EPSTI1: variants seen among roughly 807,000 people sequenced by gnomAD.
EPSTI1 encodes epithelial stromal interaction 1.
EPSTI1 carries 66 observed loss-of-function variants against 49.9 expected under a neutral mutation model. The ratio of observed to expected loss-of-function variants is 1.32; its 90% CI spans 1.08 to 1.62. EPSTI1 has a LOEUF of 1.62. EPSTI1 is among the 40% of genes most tolerant of loss of function. The probability of loss-of-function intolerance (pLI) is 0.00; values close to 1 mark genes in which losing one functional copy is unlikely to be tolerated. For missense variants in EPSTI1, 394 were observed against 365.5 expected (o/e 1.08, Z -0.64); for synonymous variants, 137 against 130.7 (o/e 1.05, Z -0.33).
chr13:42,971,428 C>A (rs1341413683), intron 1 of EPSTI1, among the ~76,000 whole-genome samples: 1 of 152,160 alleles, frequency 6.6e-6, no homozygotes, highest in Non-Finnish European at 1.5e-5. Flanking sequence ...ATGCTACAGA[C>A]CCAGCCTGTG....
At chr13:42,929,624 A>G (rs904260034) in intron 6 of EPSTI1, among the ~76,000 whole-genome samples, 5 of 152,198 alleles carry the variant, frequency 3.3e-5, no homozygotes, top group African/African-American at 1.2e-4. Flanking sequence ...CACATTGACA[A>G]ATATTACATA....
rs1257130230 is a variant in EPSTI1 at position 42,991,988 on chromosome 13, C to T, written c.178G>A (p.Gly60Ser). Residue 60 changes from glycine (G) to serine (S), a missense_variant, in exon 1 of 11, where the codon GGC becomes AGC. Physicochemically the swap from Gly to Ser is moderately conservative, Grantham distance 56. Transcript: ENST00000313624. ...TGTTAAAATACTCACCGCCTCTGGC[C>T]CGCGTGCACGACGCTCTCCCGCGAA... ...GPSRESVVHA[G>S]QRRTSAYTLI... 6.2e-7 allele frequency: 1 copy of T among 1,612,038 alleles called. No homozygotes were observed. The highest frequency in any genetic ancestry group is 8.5e-7 in the Non-Finnish European group (1 of 1,179,612).
rs79848178 is a variant in EPSTI1 at position 42,922,717 on chromosome 13, T to C, written c.657+3619A>G. On this transcript the variant is annotated intron_variant, in intron 7 of 10. Coordinates refer to ENST00000313624, the MANE Select transcript of EPSTI1 (RefSeq NM_033255.5). The surrounding 1 kb of genome is among the most constrained non-coding windows in gnomAD (Gnocchi z 4.8). Reference sequence around the variant, plus strand: ...GCGCAAAGGGACACATGTTAAGTACTTTATTTGACTTCTTAATGAATGAGC... The same window carrying C: ...GCGCAAAGGGACACATGTTAAGTACCTTATTTGACTTCTTAATGAATGAGC... Among the ~76,000 whole-genome samples, 2,388 of 152,220 alleles carry C rather than the reference T, an allele frequency of 0.016. 32 individuals carry two copies. The highest frequency in any genetic ancestry group is 0.044 in the Middle Eastern group (13 of 294).
At chr13:42,911,262 T>TGTGTGTGC (rs1555259485) in intron 8 of EPSTI1, among the ~76,000 whole-genome samples, 6 of 116,230 alleles carry the variant, frequency 5.2e-5, no homozygotes, top group Non-Finnish European at 1.1e-4. Flanking sequence ...TGTGTGTGTG[T>TGTGTGTGC]GTGCGCGCGC....
At chr13:42,928,180 A>G (rs1390766882) in intron 6 of EPSTI1, among the ~76,000 whole-genome samples, 6 of 152,216 alleles carry the variant, frequency 3.9e-5, no homozygotes, top group Non-Finnish European at 8.8e-5. Flanking sequence ...AGGGGCCTGC[A>G]GAGTATGCGG....
intron 6 of EPSTI1, among the ~76,000 whole-genome samples, chr13:42,951,430 C>T (rs1273369652): frequency 2.0e-5 from 3 of 152,136 alleles, no homozygotes; most frequent in African/African-American, 7.2e-5. Flanking sequence ...ATTTGAGATA[C>T]TTCTCAATTT....
rs999892755 is a variant in EPSTI1, at chr13:42,927,321, G to A, written c.564-892C>T. Reference sequence around the variant, plus strand: ...CTGCCTACCCTTGATTAATTTCTACGCCTTTGTCCTTTTCTCATGTAATTT... The same window carrying A: ...CTGCCTACCCTTGATTAATTTCTACACCTTTGTCCTTTTCTCATGTAATTT... On this transcript the variant is annotated intron_variant, in intron 6 of 10. Coordinates refer to ENST00000313624, the MANE Select transcript of EPSTI1 (RefSeq NM_033255.5). Among the ~76,000 whole-genome samples the A allele has an allele frequency of 2.0e-5, 3 of 151,894 alleles. No individual in the cohort carries two copies. The East Asian group carries it at 5.8e-4, about 29-fold the overall frequency.
At chr13:42,971,235 C>T (rs959128657) in intron 1 of EPSTI1, among the ~76,000 whole-genome samples, 2 of 152,110 alleles carry the variant, frequency 1.3e-5, no homozygotes, top group Non-Finnish European at 2.9e-5. Context: ...TTCAACCAGG[C>T]GGATCAGGGA....
chr13:42,934,463 A>G (rs2038488693), intron 6 of EPSTI1: 1 of 152,612 alleles, frequency 6.6e-6, no homozygotes, highest in African/African-American at 2.4e-5. Flanking sequence ...GGCTGCTGCC[A>G]TGGCCATTGT....
At chr13:42,963,116 G>T in intron 5 of EPSTI1, 139 bp downstream of exon 5, 1 of 729,138 alleles carries the variant, frequency 1.4e-6, no homozygotes, top group Non-Finnish European at 2.3e-6. Context: ...AAAACTGGAT[G>T]AGGAAAAGAA....
chr13:42,930,445 C>T (rs2038324693), intron 6 of EPSTI1, among the ~76,000 whole-genome samples: 2 of 152,170 alleles, frequency 1.3e-5, no homozygotes, highest in African/African-American at 4.8e-5. Flanking sequence ...CATTCACACA[C>T]CTATAAGCAC....
intron 6 of EPSTI1, among the ~76,000 whole-genome samples, chr13:42,936,368 G>A (rs61952586): frequency 0.2 from 30,822 of 151,960 alleles, 3,632 homozygotes; most frequent in African/African-American, 0.33. Flanking sequence ...CCATTTACTC[G>A]TAAGTCCAAT....
chr13:42,963,513 TTC>T, intron 4 of EPSTI1, 175 bp from the exon 5 acceptor site: 1 of 589,938 alleles, frequency 1.7e-6, no homozygotes, highest in Non-Finnish European at 3.0e-6. Flanking sequence ...GGGCTACGTC[TTC>T]TGCCCGTGAA....
intron 9 of EPSTI1, among the ~76,000 whole-genome samples, chr13:42,897,849 A>G (rs1426805085): frequency 6.6e-6 from 1 of 152,182 alleles, no homozygotes; most frequent in African/African-American, 2.4e-5. Flanking sequence ...ACCAATTTCT[A>G]TTTTTGTTTA....
At chr13:42,974,689 G>T (rs1271690194) in intron 1 of EPSTI1, among the ~76,000 whole-genome samples, 1 of 152,086 alleles carries the variant, frequency 6.6e-6, no homozygotes, top group Non-Finnish European at 1.5e-5. Flanking sequence ...TCCTTGCGAG[G>T]TCTCTCGAGT....
At chr13:42,965,428 G>A (rs980222176) in intron 3 of EPSTI1, among the ~76,000 whole-genome samples, 2 of 152,156 alleles carry the variant, frequency 1.3e-5, no homozygotes, top group Non-Finnish European at 2.9e-5. Flanking sequence ...CAAGACAACA[G>A]ATGCCGAGCG....
chr13:42,972,020 G>A (rs925570378), intron 1 of EPSTI1, among the ~76,000 whole-genome samples: 3 of 152,160 alleles, frequency 2.0e-5, no homozygotes, highest in African/African-American at 2.4e-5. Flanking sequence ...CTTCTGAATT[G>A]CCAGTACTTT....
intron 1 of EPSTI1, among the ~76,000 whole-genome samples, chr13:42,973,411 T>C (rs923675185): frequency 3.9e-5 from 6 of 152,222 alleles, no homozygotes; most frequent in African/African-American, 1.4e-4. Context: ...TTTATGTGAA[T>C]TGCTCAGCAA....
chr13:42,889,108 G>T (rs1594593525), intron 10 of EPSTI1: 3 of 910,468 alleles, frequency 3.3e-6, no homozygotes, highest in Non-Finnish European at 3.5e-6. Context: ...ATGCTTAACT[G>T]CCCCTGAAGA....
Sources: gnomAD v4.1 joint callset for allele counts (sites outside exome capture counted in the v4.1 genomes callset) on GRCh38, gnomAD v4.1.1 for gene constraint, Gnocchi (gnomAD v3.1) non-coding constraint, MANE v1.5 for transcripts, NCBI Gene and HGNC (gene_info 2026-07-23, HGNC 2026-07-21) for gene names.